The following RPS6KC1 variants were observed in gnomAD, a reference collection of about 807,000 sequenced individuals.
The protein encoded by RPS6KC1 is inactive ribosomal protein S6 kinase delta-1.
Under a neutral mutation model 103.8 loss-of-function variants are expected in RPS6KC1, and 54 were observed. The observed-to-expected ratio is 0.52, with a 90% CI of 0.42 to 0.65. The LOEUF (loss-of-function observed/expected upper bound fraction) is 0.65, where lower values mean the gene tolerates loss of function less well. RPS6KC1 is among the 30% of genes least tolerant of loss of function. The pLI, the probability that RPS6KC1 is intolerant of heterozygous loss-of-function variation, is 0.00. For missense variants in RPS6KC1, 1,151 were observed against 1,253.8 expected (o/e 0.92, Z 1.24); for synonymous variants, 439 against 438.7 (o/e 1.00, Z -0.01).
At chr1:213,845,256 A>T in the RPS6KC1 span, among the ~76,000 whole-genome samples, 1 of 152,168 alleles carries the variant, frequency 6.6e-6, no homozygotes, top group Non-Finnish European at 1.5e-5. Flanking sequence ...ACAAGTTTGA[A>T]TCTTCCCCCT....
the RPS6KC1 span, among the ~76,000 whole-genome samples, chr1:213,706,287 T>G: frequency 3.3e-5 from 5 of 152,236 alleles, no homozygotes; most frequent in African/African-American, 1.2e-4. Context: ...GATTCCCCTC[T>G]GGCTAGGGCT....
chr1:213,689,735 G>T, the RPS6KC1 span, among the ~76,000 whole-genome samples: 1 of 152,212 alleles, frequency 6.6e-6, no homozygotes, highest in Non-Finnish European at 1.5e-5. Flanking sequence ...TTGAAAAGCA[G>T]ATTTTAGGCC....
chr1:213,491,693 C>T, the RPS6KC1 span, among the ~76,000 whole-genome samples: 1 of 152,172 alleles, frequency 6.6e-6, no homozygotes, highest in African/African-American at 2.4e-5. Context: ...AGAGCAATAA[C>T]TTAATCATAG....
At chr1:213,530,560 A>T in the RPS6KC1 span, among the ~76,000 whole-genome samples, 1 of 152,168 alleles carries the variant, frequency 6.6e-6, no homozygotes. Flanking sequence ...CATGCTTCTG[A>T]TGCAGACGAG....
chr1:213,133,732 G>A lies in RPS6KC1; in HGVS notation c.835+3843G>A, dbSNP rs564724532. 5.9e-5 allele frequency among the ~76,000 whole-genome samples: 9 copies of A among 152,214 alleles called. No homozygotes were observed. The East Asian group carries it at 1.5e-3, about 26-fold the overall frequency. On this transcript the variant is annotated intron_variant, in intron 6 of 14. Transcript: ENST00000366960. Reference sequence around the variant, plus strand: ...ATATTGTGATCCCTGTTTTATAGGTGGAGAAAACTAAGACTTACATAAATT... The same window carrying A: ...ATATTGTGATCCCTGTTTTATAGGTAGAGAAAACTAAGACTTACATAAATT...
the RPS6KC1 span, among the ~76,000 whole-genome samples, chr1:213,400,097 C>T: frequency 6.6e-6 from 1 of 152,100 alleles, no homozygotes; most frequent in African/African-American, 2.4e-5. Context: ...AACCAGAACC[C>T]TCGGGTCTTG....
chr1:213,326,211 AAG>A, the RPS6KC1 span, among the ~76,000 whole-genome samples: 4 of 152,196 alleles, frequency 2.6e-5, no homozygotes, highest in Non-Finnish European at 5.9e-5. Context: ...GAGAAAAAAA[AAG>A]AAAAAAGAAA....
chr1:213,232,348 A>G (rs2094123664), intron 10 of RPS6KC1, 93 bp downstream of exon 10: 1 of 1,492,552 alleles, frequency 6.7e-7, no homozygotes, highest in Non-Finnish European at 9.3e-7. Flanking sequence ...GATAGAATAT[A>G]TGAAACACGT....
chr1:213,167,468 ACACACACACACACACACACAC>A (rs1558462316), intron 6 of RPS6KC1, among the ~76,000 whole-genome samples: 5 of 143,144 alleles, frequency 3.5e-5, no homozygotes, highest in African/African-American at 1.0e-4. Flanking sequence ...ACACACACAC[ACACACACACACACACACACAC>A]AACAGCTGTT....
chr1:213,806,263 C>T, the RPS6KC1 span, among the ~76,000 whole-genome samples: 3 of 152,202 alleles, frequency 2.0e-5, no homozygotes, highest in African/African-American at 7.2e-5. Flanking sequence ...ACCTGGGAGG[C>T]AGAGCTTGCA....
the RPS6KC1 span, among the ~76,000 whole-genome samples, chr1:213,778,812 C>A: frequency 6.6e-6 from 1 of 152,026 alleles, no homozygotes; most frequent in Non-Finnish European, 1.5e-5. Context: ...ATCCTAAACC[C>A]CCATGCTCAG....
At chr1:213,771,650 C>T in the RPS6KC1 span, among the ~76,000 whole-genome samples, 6 of 152,196 alleles carry the variant, frequency 3.9e-5, no homozygotes, top group Admixed American at 3.9e-4. Context: ...GCAACTTATA[C>T]TTACATAGTC....
At chr1:213,232,054 G>A (rs2094115790) in intron 9 of RPS6KC1, 69 bp from the exon 10 acceptor site, 2 of 1,584,580 alleles carry the variant, frequency 1.3e-6, no homozygotes, top group Non-Finnish European at 1.7e-6. Context: ...TAAACACAGA[G>A]CACAGCAGGC....
chr1:213,298,107 G>A, the RPS6KC1 span, among the ~76,000 whole-genome samples: 2 of 152,356 alleles, frequency 1.3e-5, no homozygotes, highest in East Asian at 3.9e-4. Context: ...CTGGCTGCAG[G>A]AGCTCAGCCA....
At chr1:213,306,362 C>A in the RPS6KC1 span, among the ~76,000 whole-genome samples, 1 of 152,032 alleles carries the variant, frequency 6.6e-6, no homozygotes, top group African/African-American at 2.4e-5. Flanking sequence ...AAAATATATT[C>A]CAAACACAGT....
the RPS6KC1 span, among the ~76,000 whole-genome samples, chr1:213,591,351 C>T: frequency 1.3e-5 from 2 of 152,190 alleles, no homozygotes; most frequent in African/African-American, 4.8e-5. Context: ...TTTACTCACA[C>T]TCTATCTTTT....
At chr1:213,288,024 G>A in the RPS6KC1 span, among the ~76,000 whole-genome samples, 5 of 152,170 alleles carry the variant, frequency 3.3e-5, no homozygotes, top group Non-Finnish European at 7.3e-5. Context: ...TATTCTCTCC[G>A]CACTAGGCAG....
At chr1:213,459,388 T>C in the RPS6KC1 span, among the ~76,000 whole-genome samples, 10 of 152,206 alleles carry the variant, frequency 6.6e-5, no homozygotes, top group African/African-American at 2.4e-4. Context: ...TGTGTAGAGG[T>C]GTTTATCATC....
chr1:213,175,665 T>C lies in RPS6KC1; in HGVS notation c.952-735T>C, dbSNP rs1381972224. Among the ~76,000 whole-genome samples the C allele has an allele frequency of 2.6e-5, 4 of 152,178 alleles. No homozygotes were observed. The East Asian group carries it at 7.7e-4, about 29-fold the overall frequency. ...TAAAATTGTGTGCAGAATTTAAATC[T>C]TCCTTCCTATGTTCACTGATTTTTT... On this transcript the variant is annotated intron_variant, in intron 7 of 14. Transcript: ENST00000366960.
Sources: allele counts gnomAD v4.1 joint callset (sites outside exome capture counted in the v4.1 genomes callset), GRCh38; gene constraint gnomAD v4.1.1; transcripts MANE v1.5; gene names NCBI Gene and HGNC (gene_info 2026-07-23, HGNC 2026-07-21).